The following RNF216 variants were observed in gnomAD, a reference collection of about 807,000 sequenced individuals.
The protein encoded by RNF216 is E3 ubiquitin-protein ligase RNF216.
In RNF216, 72 loss-of-function variants were observed where a neutral mutation model predicts 110.8. That is an observed-to-expected ratio of 0.65 (90% confidence interval 0.54 to 0.79). The LOEUF (loss-of-function observed/expected upper bound fraction) is 0.79. RNF216 is among the 30% of genes least tolerant of loss of function. The pLI, the probability that RNF216 is intolerant of heterozygous loss-of-function variation, is 0.00. For synonymous variants in RNF216, 495 were observed against 407.5 expected, an observed-to-expected ratio of 1.21 and a Z score of -2.59; for missense variants, 1,342 against 1,141.2, an observed-to-expected ratio of 1.18 and a Z score of -2.54.
chr7:5,778,324 C>G (rs1796894693), intron 1 of RNF216, among the ~76,000 whole-genome samples: 1 of 152,212 alleles, frequency 6.6e-6, no homozygotes. Context: ...ACCAAATTAA[C>G]TCTATTCATT....
intron 3 of RNF216, among the ~76,000 whole-genome samples, chr7:5,746,148 G>T (rs137981401): frequency 6.6e-6 from 1 of 151,360 alleles, no homozygotes; most frequent in Non-Finnish European, 1.5e-5. Context: ...TGCAAGTGTC[G>T]GAAGTCCTTC....
chr7:5,707,598 T>C (rs959132176), intron 13 of RNF216, among the ~76,000 whole-genome samples: 5 of 152,164 alleles, frequency 3.3e-5, no homozygotes, highest in African/African-American at 9.7e-5. Flanking sequence ...GCTTTTGCTT[T>C]TTCCTGCCAA....
chr7:5,695,272 C>T (rs368506692), intron 13 of RNF216, among the ~76,000 whole-genome samples: 4 of 152,310 alleles, frequency 2.6e-5, no homozygotes, highest in South Asian at 2.1e-4. Context: ...AAACCACCTG[C>T]GCAGACCCAG....
intron 1 of RNF216, among the ~76,000 whole-genome samples, chr7:5,765,367 G>A (rs1249696041): frequency 6.6e-6 from 1 of 151,980 alleles, no homozygotes; most frequent in Non-Finnish European, 1.5e-5. Flanking sequence ...GGGAGGCTGA[G>A]GTAAGAGAAT....
chr7:5,778,303 C>A (rs1283097030), intron 1 of RNF216, among the ~76,000 whole-genome samples: 1 of 152,226 alleles, frequency 6.6e-6, no homozygotes, highest in East Asian at 1.9e-4. Flanking sequence ...CTCTTCTTCA[C>A]TGCCTCTTGG....
chr7:5,728,801 G>C (rs187827635), intron 7 of RNF216, among the ~76,000 whole-genome samples: 2 of 152,346 alleles, frequency 1.3e-5, no homozygotes, highest in Admixed American at 1.3e-4. Flanking sequence ...ACGGCAGTAA[G>C]AGCGACCAAG....
intron 1 of RNF216, among the ~76,000 whole-genome samples, chr7:5,763,067 G>A (rs1796016547): frequency 6.6e-6 from 1 of 152,102 alleles, no homozygotes; most frequent in Admixed American, 6.5e-5. Context: ...CTGGGGATAG[G>A]AAACAGAGAA....
rs74570281 is a variant in RNF216 at position 5,759,213 on chromosome 7, C to A, written c.67+1790G>T. ...ATTGTAAGTTTCCTAAGGCCTCCCCCAGAAGCAGAGGCCGCTATGTTTCCT... is the reference window on the plus strand; with the variant it reads ...ATTGTAAGTTTCCTAAGGCCTCCCCAAGAAGCAGAGGCCGCTATGTTTCCT... On this transcript the variant is annotated intron_variant, in intron 2 of 16. Coordinates refer to ENST00000389902, the MANE Select transcript of RNF216 (RefSeq NM_207111.4). Among the ~76,000 whole-genome samples the A allele has an allele frequency of 6.8e-3, 1,038 of 152,252 alleles. 6 individuals are homozygous for A. The highest frequency in any genetic ancestry group is 9.8e-3 in the Non-Finnish European group (664 of 68,024).
chr7:5,716,805 A>C, intron 9 of RNF216, 39 bp from the exon 10 acceptor site: 3 of 1,532,564 alleles, frequency 2.0e-6, no homozygotes. Flanking sequence ...ACACAAATTT[A>C]GTAAAAATGA....
chr7:5,747,484 TAGAA>T (rs1795087940), intron 3 of RNF216, among the ~76,000 whole-genome samples: 1 of 152,206 alleles, frequency 6.6e-6, no homozygotes, highest in African/African-American at 2.4e-5. Flanking sequence ...ACGTGACCCT[TAGAA>T]AGCCATTTCC....
At chr7:5,627,064 C>T (rs1584331748) in intron 15 of RNF216, among the ~76,000 whole-genome samples, 3 of 152,338 alleles carry the variant, frequency 2.0e-5, no homozygotes, top group Admixed American at 2.0e-4. Context: ...TGCAGTTACA[C>T]CATCAGTCCC....
At chr7:5,699,594 G>A (rs1457419175) in intron 13 of RNF216, among the ~76,000 whole-genome samples, 2 of 152,156 alleles carry the variant, frequency 1.3e-5, no homozygotes, top group Non-Finnish European at 2.9e-5. Context: ...TTCTCATCAC[G>A]GCTCTGCATT....
intron 13 of RNF216, among the ~76,000 whole-genome samples, chr7:5,695,865 A>G (rs1444421364): frequency 6.6e-6 from 1 of 152,256 alleles, no homozygotes; most frequent in Non-Finnish European, 1.5e-5. Context: ...TTTTTACAAA[A>G]CAAGGTATCA....
chr7:5,637,742 G>A (rs111993386), intron 15 of RNF216, among the ~76,000 whole-genome samples: 1,789 of 152,264 alleles, frequency 0.012, 39 homozygotes, highest in African/African-American at 0.041. Flanking sequence ...GTTTTGCCAT[G>A]TTTCCAAAGC....
chr7:5,717,261 G>A (rs1487176642), intron 9 of RNF216, among the ~76,000 whole-genome samples: 3 of 152,204 alleles, frequency 2.0e-5, no homozygotes, highest in Non-Finnish European at 4.4e-5. Flanking sequence ...GCTGAAGCAG[G>A]AAGATTACTT....
chr7:5,766,345 G>C (rs918003383), intron 1 of RNF216, among the ~76,000 whole-genome samples: 2 of 152,128 alleles, frequency 1.3e-5, no homozygotes, highest in Non-Finnish European at 2.9e-5. Flanking sequence ...GATGAGTGAT[G>C]CTCTAAAGTG....
At chr7:5,673,575 G>C (rs1432524600) in intron 13 of RNF216, among the ~76,000 whole-genome samples, 1 of 152,210 alleles carries the variant, frequency 6.6e-6, no homozygotes, top group Non-Finnish European at 1.5e-5. Flanking sequence ...TCAAGTGCAG[G>C]AGGCCAAGAC....
intron 13 of RNF216, among the ~76,000 whole-genome samples, chr7:5,660,567 G>C (rs1789050515): frequency 6.6e-6 from 1 of 151,976 alleles, no homozygotes; most frequent in African/African-American, 2.4e-5. Flanking sequence ...TGGGATTACA[G>C]GCATGGAGCC....
rs2128553640 is a variant in RNF216, at chr7:5,621,555, C to G, written c.*1305G>C. ...CCCAGGCACCTTGGGTGGGCCAGGCCCTGCTTCAGGAGGTGGCGGGCCACT... is the reference window on the plus strand; with the variant it reads ...CCCAGGCACCTTGGGTGGGCCAGGCGCTGCTTCAGGAGGTGGCGGGCCACT... On this transcript the variant is annotated 3_prime_UTR_variant, in exon 17 of 17. Coordinates refer to ENST00000389902, the MANE Select transcript of RNF216 (RefSeq NM_207111.4). The G allele has an allele frequency of 6.6e-6, 1 of 152,380 alleles. No individual in the cohort carries two copies. The highest frequency in any genetic ancestry group is 1.9e-4 in the East Asian group (1 of 5,184). 9.4% of individuals were successfully genotyped at this position (152,380 alleles called of 1,614,324 possible).
Sources: allele counts gnomAD v4.1 joint callset (sites outside exome capture counted in the v4.1 genomes callset), GRCh38; gene constraint gnomAD v4.1.1; transcripts MANE v1.5; gene names NCBI Gene and HGNC (gene_info 2026-07-23, HGNC 2026-07-21).